The following ZNF75D variants were observed in gnomAD, a reference collection of about 807,000 sequenced individuals.
ZNF75D encodes the protein zinc finger protein 75.
In ZNF75D, 33 loss-of-function variants were observed where a neutral mutation model predicts 33.3. The ratio of observed to expected loss-of-function variants is 0.99; its 90% CI spans 0.75 to 1.32. The LOEUF (loss-of-function observed/expected upper bound fraction) is 1.32. Ranked by LOEUF, ZNF75D falls within the 40% of genes most tolerant of loss-of-function variation. The probability of loss-of-function intolerance (pLI) is 0.00; values close to 1 mark genes in which losing one functional copy is unlikely to be tolerated. For synonymous variants in ZNF75D, 113 were observed against 130.6 expected, an observed-to-expected ratio of 0.87 and a Z score of 0.92; for missense variants, 338 against 367.5, an observed-to-expected ratio of 0.92 and a Z score of 0.66.
In ZNF75D at chrX:135,342,172, C is replaced by G. The variant is rs1343632829; in HGVS notation, c.-795G>C. 3.6e-5 allele frequency: 4 copies of G among 112,111 alleles called. No individual in the cohort carries two copies. The highest frequency in any genetic ancestry group is 1.3e-4 in the African/African-American group (4 of 30,765). The allele number at this position is 112,111 out of a possible 1,213,427, so 9.2% of individuals were successfully genotyped here. A position where few individuals can be genotyped will look rare whatever the true frequency, so the allele number is the denominator to read the frequency against. On this transcript the variant is annotated 5_prime_UTR_variant, in exon 1 of 7. Coordinates refer to ENST00000370766, the MANE Select transcript of ZNF75D (RefSeq NM_007131.5). ...AGACCTAGTGAACAAGAAGTAGCAA[C>G]TACTCTACACTTCAGGGCTCCTCTA...
intron 3 of ZNF75D, among the ~76,000 whole-genome samples, 188 bp from the exon 4 acceptor site, chrX:135,292,661 G>C (rs1556421616): frequency 8.9e-6 from 1 of 112,064 alleles, no homozygotes; most frequent in Non-Finnish European, 1.9e-5. Context: ...GGGATAATTA[G>C]GATAAAATAG....
At position 135,287,469 on chromosome X, in the gene ZNF75D, T is replaced by C; in HGVS notation, c.1201A>G (p.Arg401Gly). The C allele has an allele frequency of 8.3e-7, 1 of 1,211,308 alleles. No homozygotes were observed. The highest frequency in any genetic ancestry group is 1.1e-6 in the Non-Finnish European group (1 of 895,162). ...TTAAGATCTGAACTCCATCTAAACCTCCTGTCACATTGTTGACATTTATAG... is the reference window on the plus strand; with the variant it reads ...TTAAGATCTGAACTCCATCTAAACCCCCTGTCACATTGTTGACATTTATAG... Reference protein sequence around the residue: ...KPYKCQQCDRRFRWSSDLNKH... With the variant: ...KPYKCQQCDRGFRWSSDLNKH... The change falls in exon 7 of 7, where the codon AGG becomes GGG. Residue 401 changes from arginine (R) to glycine (G), a missense_variant. By Grantham distance (125) the Arg-to-Gly change is moderately radical. Coordinates refer to ENST00000370766, the MANE Select transcript of ZNF75D (RefSeq NM_007131.5).
intron 1 of ZNF75D, among the ~76,000 whole-genome samples, chrX:135,276,053 C>A (rs1418174369): frequency 9.0e-6 from 1 of 111,563 alleles, no homozygotes; most frequent in African/African-American, 3.3e-5. Context: ...GGCAAGACAG[C>A]AAAAGGGTAA....
chrX:135,288,386 T>G (rs1174294613), intron 6 of ZNF75D, among the ~76,000 whole-genome samples: 6 of 112,691 alleles, frequency 5.3e-5, no homozygotes, highest in African/African-American at 1.9e-4. Flanking sequence ...ACATTTTCCA[T>G]GAACTAATGA....
At chrX:135,271,308 T>C (rs1184587590) in intron 1 of ZNF75D, among the ~76,000 whole-genome samples, 1 of 112,169 alleles carries the variant, frequency 8.9e-6, no homozygotes, top group Non-Finnish European at 1.9e-5. Context: ...ATTGTGGCTC[T>C]CATAGCATGA....
intron 1 of ZNF75D, among the ~76,000 whole-genome samples, chrX:135,268,367 A>G (rs1025731312): frequency 1.9e-5 from 2 of 107,768 alleles, no homozygotes; most frequent in Non-Finnish European, 3.8e-5. Flanking sequence ...AAAACTAAAA[A>G]CTCCACCAAA....
chrX:135,312,535 T>G (rs997542602), intron 1 of ZNF75D, among the ~76,000 whole-genome samples: 1 of 111,867 alleles, frequency 8.9e-6, no homozygotes, highest in East Asian at 2.8e-4. Flanking sequence ...CCAGATCATA[T>G]AGTAGATATA....
At chrX:135,263,228 G>A (rs12857126) in intron 1 of ZNF75D, among the ~76,000 whole-genome samples, 31,267 of 111,901 alleles carry the variant, frequency 0.28, 4,154 homozygotes, top group Non-Finnish European at 0.42. Context: ...GGTGTCTGTC[G>A]GCCCCTACTG....
At chrX:135,257,468 T>C (rs1556414452) in intron 1 of ZNF75D, among the ~76,000 whole-genome samples, 1 of 113,170 alleles carries the variant, frequency 8.8e-6, no homozygotes, top group Admixed American at 9.3e-5. Flanking sequence ...GAAAACTGTA[T>C]CGTAGTTGGA....
Position 135,287,429 on chromosome X carries a change from G to A in ZNF75D, c.1241C>T (p.Thr414Ile). The change falls in exon 7 of 7, where the codon ACC (threonine) becomes ATC (isoleucine). Residue 414 changes from threonine to isoleucine, a missense_variant. Physicochemically the swap from Thr to Ile is moderately conservative, Grantham distance 89 (BLOSUM62 -1). Coordinates refer to ENST00000370766, the MANE Select transcript of ZNF75D (RefSeq NM_007131.5). ...TCTATATGGTTTTATTCCTTGATGGGTCATGAAGTGCTTATTAAGATCTGA... is the reference window on the plus strand; with the variant it reads ...TCTATATGGTTTTATTCCTTGATGGATCATGAAGTGCTTATTAAGATCTGA... ...WSSDLNKHFMTHQGIKPYRCS... is the reference protein window; with the variant it reads ...WSSDLNKHFMIHQGIKPYRCS... The A allele has an allele frequency of 8.3e-7, 1 of 1,211,168 alleles. No individual in the cohort carries two copies. Among genetic ancestry groups the A allele is most frequent in the Non-Finnish European group, 1.1e-6 (1 of 895,249 alleles).
At chrX:135,292,971 T>G (rs2084068518) in intron 3 of ZNF75D, among the ~76,000 whole-genome samples, 1 of 111,851 alleles carries the variant, frequency 8.9e-6, no homozygotes, top group East Asian at 2.8e-4. Context: ...GGGAGAAGAG[T>G]TGGGCTCTAA....
chrX:135,269,273 T>G (rs1569486322), intron 1 of ZNF75D, among the ~76,000 whole-genome samples: 1 of 111,442 alleles, frequency 9.0e-6, no homozygotes, highest in Admixed American at 9.5e-5. Flanking sequence ...GTGAAAAACC[T>G]TCTGCACAGC....
At chrX:135,280,471 C>T (rs1486853898) in intron 1 of ZNF75D, among the ~76,000 whole-genome samples, 2 of 111,798 alleles carry the variant, frequency 1.8e-5, no homozygotes, top group Non-Finnish European at 3.8e-5. Flanking sequence ...TTAATTGGGA[C>T]ATTTAGCCCA....
intron 1 of ZNF75D, among the ~76,000 whole-genome samples, chrX:135,256,386 C>T (rs191281794): frequency 7.3e-5 from 8 of 109,070 alleles, no homozygotes; most frequent in Non-Finnish European, 1.3e-4. Flanking sequence ...AAAACAAATC[C>T]ATGCAGGGTG....
At chrX:135,291,641 C>T (rs2084041922) in intron 4 of ZNF75D, 78 bp from the exon 5 acceptor site, 3 of 1,146,445 alleles carry the variant, frequency 2.6e-6, no homozygotes, top group African/African-American at 3.6e-5. Flanking sequence ...AAATAAAGAA[C>T]ATCAGGATGC....
At chrX:135,296,157 T>G (rs938932770) in intron 1 of ZNF75D, 118 bp from the exon 2 acceptor site, 1 of 110,887 alleles carries the variant, frequency 9.0e-6, no homozygotes, top group Non-Finnish European at 1.9e-5. Context: ...TTAGGAACTG[T>G]CCCGGGGGTC....
intron 1 of ZNF75D, among the ~76,000 whole-genome samples, chrX:135,320,653 C>T (rs1246215509): frequency 8.9e-6 from 1 of 111,984 alleles, no homozygotes; most frequent in African/African-American, 3.2e-5. Flanking sequence ...TGGTTTCCAA[C>T]TGTGTTTTAG....
downstream of ZNF75D, among the ~76,000 whole-genome samples, chrX:135,281,567 T>C (rs782404805): frequency 9.0e-6 from 1 of 111,539 alleles, no homozygotes; most frequent in East Asian, 2.8e-4. Flanking sequence ...AAAAGAGGCA[T>C]TACGGTTTTT....
intron 1 of ZNF75D, chrX:135,309,796 G>A: frequency 7.0e-6 from 2 of 284,736 alleles, no homozygotes; most frequent in Non-Finnish European, 1.2e-5. Flanking sequence ...AACAGAGTCT[G>A]TCATTTCACT....
Sources: gnomAD v4.1 joint callset for allele counts (sites outside exome capture counted in the v4.1 genomes callset) on GRCh38, gnomAD v4.1.1 for gene constraint, MANE v1.5 for transcripts, NCBI Gene and HGNC (gene_info 2026-07-23, HGNC 2026-07-21) for gene names.